Variants in DTYMK observed in about 807,000 individuals in gnomAD.
DTYMK encodes thymidylate kinase.
In DTYMK, 20 loss-of-function variants were observed where a neutral mutation model predicts 20.3. That is an observed-to-expected ratio of 0.99 (90% CI 0.69 to 1.43). The LOEUF is 1.43. DTYMK is among the 40% of genes most tolerant of loss of function. The pLI, the probability that DTYMK is intolerant of heterozygous loss-of-function variation, is 0.00. For missense variants in DTYMK, 320 were observed against 291.1 expected (o/e 1.10, Z -0.72); for synonymous variants, 148 against 124.4 (o/e 1.19, Z -1.27).
chr2:241,676,271 C>T, intron 4 of DTYMK, 34 bp from the exon 5 acceptor site: 2 of 1,583,680 alleles, frequency 1.3e-6, no homozygotes, highest in Non-Finnish European at 1.7e-6. Flanking sequence ...GAAAAAGAGG[C>T]TCATCAGCAC....
At chr2:241,680,534 A>G (rs892073683) in intron 2 of DTYMK, among the ~76,000 whole-genome samples, 3 of 152,094 alleles carry the variant, frequency 2.0e-5, no homozygotes, top group Non-Finnish European at 4.4e-5. Context: ...TTAGCTGGAC[A>G]TGGTGGCAGG....
rs2069114340 is a variant in DTYMK at position 241,676,251 on chromosome 2, G to T, written c.529-14C>A. 6.2e-7 allele frequency: 1 copy of T among 1,604,016 alleles called. No homozygotes were observed. The highest frequency in any genetic ancestry group is 8.5e-7 in the Non-Finnish European group (1 of 1,175,924). Reference sequence around the variant, plus strand: ...AGCATCCACCATCTGTTCCCACCGGGGTTTCAGGAGAAAAAGAGGCTCATC... The same window carrying T: ...AGCATCCACCATCTGTTCCCACCGGTGTTTCAGGAGAAAAAGAGGCTCATC... On this transcript the variant is annotated splice_polypyrimidine_tract_variant and intron_variant, in intron 4 of 4. Transcript: ENST00000305784.
chr2:241,686,610 G>C, intron 1 of DTYMK, 44 bp downstream of exon 1: 1 of 1,464,326 alleles, frequency 6.8e-7, no homozygotes, highest in African/African-American at 1.5e-5. Flanking sequence ...TGGGAAGGCA[G>C]AGGCACCGAA....
Position 241,678,274 on chromosome 2 carries a change from C to CA in DTYMK, c.528+177dup, listed in dbSNP as rs369466669. Among the ~76,000 whole-genome samples, 93 of 147,312 alleles carry CA rather than the reference C, an allele frequency of 6.3e-4. 1 individual carries two copies. The highest frequency in any genetic ancestry group is 6.9e-3 in the Middle Eastern group (2 of 288). The stretch of plus-strand genomic sequence containing the variant: ...TGGCACCCAGAGCAAGATTCTGTCT[C>CA]AAAAAAAAAAGAATTTGCTGGCACC... On this transcript the variant is annotated intron_variant, in intron 4 of 4. Coordinates refer to ENST00000305784, the MANE Select transcript of DTYMK (RefSeq NM_012145.4).
intron 3 of DTYMK, among the ~76,000 whole-genome samples, chr2:241,679,989 C>T (rs566053436): frequency 1.4e-5 from 2 of 143,822 alleles, no homozygotes; most frequent in Non-Finnish European, 3.0e-5. Flanking sequence ...AAAAAAAAAG[C>T]GTGTGGAAAA....
intron 2 of DTYMK, 97 bp from the exon 3 acceptor site, chr2:241,680,416 C>T (rs1201826492): frequency 7.5e-7 from 1 of 1,331,296 alleles, no homozygotes; most frequent in Non-Finnish European, 1.1e-6. Context: ...GTGGCTCACC[C>T]CTATAATCCC....
In DTYMK at chr2:241,686,733, G is replaced by C; in HGVS notation, c.51C>G (p.Ala17=). 2 of 1,546,430 alleles carry C rather than the reference G, an allele frequency of 1.3e-6. No homozygotes were observed. The highest frequency in any genetic ancestry group is 5.1e-5 in the East Asian group (2 of 39,466). The change falls in exon 1 of 5, where the codon GCC becomes GCG. Residue 17 remains alanine (A), a synonymous_variant. Transcript: ENST00000305784. ...GCTTGCGGCTCTGCGTGCTCTTCCCGGCGCGGTCCACGCCCTCCAGCACTA... is the reference window on the plus strand; with the variant it reads ...GCTTGCGGCTCTGCGTGCTCTTCCCCGCGCGGTCCACGCCCTCCAGCACTA... ...ALIVLEGVDR[A]GKSTQSRKLV...
rs754077511 is a variant in DTYMK, at chr2:241,678,547, C to T, written c.433G>A (p.Ala145Thr). ...TTCTCATAGCGCTCATGGCCAAACG[C>T]TCCCCGCTTGGCAGCATCCGCCAGC... is the stretch of plus-strand genomic sequence containing the variant. The part of the protein sequence containing the change: ...LQLADAAKRG[A>T]FGHERYENGA... Residue 145 changes from alanine (A) to threonine (T), a missense_variant, in exon 4 of 5, where the codon GCG becomes ACG. Transcript: ENST00000305784. 1 of 1,614,218 alleles carries T rather than the reference C, an allele frequency of 6.2e-7. No individual in the cohort carries two copies. Among genetic ancestry groups the T allele is most frequent in the South Asian group, 1.1e-5 (1 of 91,086 alleles).
intron 2 of DTYMK, chr2:241,682,827 G>C (rs1202158042): frequency 1.1e-5 from 2 of 177,734 alleles, no homozygotes; most frequent in South Asian, 1.7e-4. Context: ...GAGAGGCTGA[G>C]GCAGGAGAAT....
In DTYMK at chr2:241,686,793, C is replaced by T; in HGVS notation, c.-10G>A. 5 of 1,445,808 alleles carry T rather than the reference C, an allele frequency of 3.5e-6. No homozygotes were observed. Among genetic ancestry groups the T allele is most frequent in the Non-Finnish European group, 4.5e-6 (5 of 1,112,148 alleles). The allele number at this position is 1,445,808 out of a possible 1,614,324, so 89.6% of individuals were successfully genotyped here. A position where few individuals can be genotyped will look rare whatever the true frequency, so the allele number is the denominator to read the frequency against. ...CGCGCCGGGCCGCCATGACTGTCCA[C>T]CGCCCGCCGCTGGCGTCTCCACGCA... is the stretch of plus-strand genomic sequence containing the variant. On this transcript the variant is annotated 5_prime_UTR_variant, in exon 1 of 5. In the 5' UTR this introduces an upstream ATG that the reference lacks. Transcript: ENST00000305784.
At chr2:241,684,042 A>G (rs1301091790) in intron 2 of DTYMK, among the ~76,000 whole-genome samples, 1 of 152,106 alleles carries the variant, frequency 6.6e-6, no homozygotes, top group Non-Finnish European at 1.5e-5. Flanking sequence ...GAGCAACACA[A>G]CGAGACTCTT....
Position 241,678,593 on chromosome 2 carries a change from C to T in DTYMK, c.387G>A (p.Leu129=), listed in dbSNP as rs769564180. Residue 129 remains leucine, a synonymous_variant, in exon 4 of 5, where the codon CTG becomes CTA. Coordinates refer to ENST00000305784, the MANE Select transcript of DTYMK (RefSeq NM_012145.4). ...QPDVGLPKPD[L]VLFLQLQLAD... ...CCAGCTGTAACTGGAGGAACAGGAC[C>T]AGGTCGGGTTTGGGAAGGCCCACGT... The T allele has an allele frequency of 1.2e-6, 2 of 1,614,192 alleles. No individual in the cohort carries two copies. Among genetic ancestry groups the T allele is most frequent in the Non-Finnish European group, 1.7e-6 (2 of 1,180,054 alleles).
At chr2:241,679,529 G>A (rs549997553) in intron 3 of DTYMK, among the ~76,000 whole-genome samples, 60 of 152,384 alleles carry the variant, frequency 3.9e-4, no homozygotes, top group Non-Finnish European at 2.5e-4. Flanking sequence ...AGCACTTTGG[G>A]AGGCTGAAGC....
rs1203651350 is a variant in DTYMK at position 241,685,794 on chromosome 2, A to G, written c.214T>C (p.Phe72Leu). 6.2e-7 allele frequency: 1 copy of G among 1,613,944 alleles called. No homozygotes were observed. ...DVEDHSVHLL[F>L]SANRWEQVPL... ...ACTTGTTCCCAGCGATTTGCAGAAA[A>G]AAGCAGGTGCACCGAGTGATCCTCC... The change falls in exon 2 of 5, where the codon TTT becomes CTT. Residue 72 changes from phenylalanine to leucine, a missense_variant. By Grantham distance (22) the Phe-to-Leu change is conservative. Transcript: ENST00000305784.
intron 1 of DTYMK, 134 bp downstream of exon 1, chr2:241,686,520 G>C (rs7370850): frequency 0.59 from 773,923 of 1,306,960 alleles, 230,699 homozygotes; most frequent in Admixed American, 0.67. Flanking sequence ...GGCGACACAG[G>C]GAAAGCCCGT....
intron 2 of DTYMK, chr2:241,682,202 G>C (rs983059384): frequency 8.9e-6 from 4 of 451,662 alleles, no homozygotes; most frequent in Non-Finnish European, 1.8e-5. Context: ...AATTAGCCAG[G>C]TGTGTTAACG....
Position 241,686,701 on chromosome 2 carries a change from T to C in DTYMK, c.83A>G (p.Glu28Gly), listed in dbSNP as rs1160962979. The change falls in exon 1 of 5, where the codon GAA (glutamate) becomes GGA (glycine). Residue 28 changes from glutamate to glycine, a missense_variant. Transcript: ENST00000305784. ...GKSTQSRKLV[E>G]ALCAAGHRAE... ...GCGGTGGCCCGCGGCGCACAGCGCTTCCACCAGCTTGCGGCTCTGCGTGCT... is the reference window on the plus strand; with the variant it reads ...GCGGTGGCCCGCGGCGCACAGCGCTCCCACCAGCTTGCGGCTCTGCGTGCT... 10 of 1,541,602 alleles carry C rather than the reference T, an allele frequency of 6.5e-6. No individual in the cohort carries two copies. The South Asian group carries it at 1.2e-4, about 18-fold the overall frequency.
chr2:241,679,028 C>T (rs1367500130), intron 3 of DTYMK, among the ~76,000 whole-genome samples: 2 of 152,168 alleles, frequency 1.3e-5, no homozygotes, highest in Non-Finnish European at 2.9e-5. Flanking sequence ...CAGCTGGGTC[C>T]GGACACAGGC....
At chr2:241,676,761 C>T (rs977710737) in intron 4 of DTYMK, among the ~76,000 whole-genome samples, 1 of 152,276 alleles carries the variant, frequency 6.6e-6, no homozygotes, top group African/African-American at 2.4e-5. Context: ...GCCCACAGCA[C>T]AGCCAGACCC....
Sources: allele counts gnomAD v4.1 joint callset (sites outside exome capture counted in the v4.1 genomes callset), GRCh38; gene constraint gnomAD v4.1.1; transcripts MANE v1.5; gene names NCBI Gene and HGNC (gene_info 2026-07-23, HGNC 2026-07-21).